The following GRID1 variants were observed in gnomAD, a reference collection of about 807,000 sequenced individuals.
GRID1 encodes glutamate ionotropic receptor delta type subunit 1.
Under a neutral mutation model 98.0 loss-of-function variants are expected in GRID1, and 28 were observed. That is an observed-to-expected ratio of 0.29 (90% CI 0.21 to 0.39). The LOEUF is 0.39. GRID1 is among the 10% of genes least tolerant of loss of function. The pLI, the probability that GRID1 is intolerant of heterozygous loss-of-function variation, is 1.00. For synonymous variants in GRID1, 553 were observed against 538.5 expected, an observed-to-expected ratio of 1.03 and a Z score of -0.37; for missense variants, 1,111 against 1,340.5, an observed-to-expected ratio of 0.83 and a Z score of 2.67.
At chr10:86,262,632 T>TC (rs1180985065) in intron 2 of GRID1, among the ~76,000 whole-genome samples, 1 of 152,126 alleles carries the variant, frequency 6.6e-6, no homozygotes, top group Non-Finnish European at 1.5e-5. Flanking sequence ...AAGGGCCCCT[T>TC]CCCCACTTCA....
At chr10:85,667,262 A>G (rs1397184739) in intron 12 of GRID1, among the ~76,000 whole-genome samples, 2 of 151,934 alleles carry the variant, frequency 1.3e-5, no homozygotes, top group African/African-American at 4.8e-5. Context: ...TGGGACTTTC[A>G]GGTAGAGGCA....
chr10:85,654,142 T>G (rs1432033490), intron 12 of GRID1, among the ~76,000 whole-genome samples: 1 of 151,838 alleles, frequency 6.6e-6, no homozygotes, highest in African/African-American at 2.4e-5. Flanking sequence ...AGAGCCCTTC[T>G]TCAAACCTAT....
chr10:86,215,132 T>TCAGG (rs983635292), intron 2 of GRID1, among the ~76,000 whole-genome samples: 2 of 152,178 alleles, frequency 1.3e-5, no homozygotes, highest in African/African-American at 4.8e-5. Flanking sequence ...GAGGCCTGGC[T>TCAGG]CAGGCAGCAG....
chr10:86,354,518 G>C (rs1393576205), intron 2 of GRID1, among the ~76,000 whole-genome samples: 1 of 152,250 alleles, frequency 6.6e-6, no homozygotes, highest in Non-Finnish European at 1.5e-5. Context: ...CCCTCCTGCT[G>C]GCCATACGTC....
intron 8 of GRID1, among the ~76,000 whole-genome samples, chr10:85,780,599 G>T (rs1034931707): frequency 2.6e-5 from 4 of 152,178 alleles, no homozygotes; most frequent in African/African-American, 9.7e-5. Context: ...CGATGTTTTC[G>T]AAATGCCTGG....
chr10:85,707,020 C>T (rs1841527731), intron 12 of GRID1, among the ~76,000 whole-genome samples: 3 of 152,138 alleles, frequency 2.0e-5, no homozygotes, highest in Admixed American at 2.0e-4. Context: ...TAGAAGAAAA[C>T]CTAGGCAATA....
intron 12 of GRID1, among the ~76,000 whole-genome samples, chr10:85,668,826 G>A (rs1841053068): frequency 6.6e-6 from 1 of 152,196 alleles, no homozygotes; most frequent in African/African-American, 2.4e-5. Context: ...GCTCTACGCT[G>A]CACATCAAAA....
intron 3 of GRID1, among the ~76,000 whole-genome samples, chr10:86,156,107 T>C (rs1287091039): frequency 6.6e-6 from 1 of 152,164 alleles, no homozygotes; most frequent in Non-Finnish European, 1.5e-5. Context: ...ATGTAAATGG[T>C]AGGAGAGCCC....
intron 8 of GRID1, among the ~76,000 whole-genome samples, chr10:85,737,873 G>T (rs1292714038): frequency 6.6e-6 from 1 of 151,550 alleles, no homozygotes; most frequent in Non-Finnish European, 1.5e-5. Flanking sequence ...ACCACTCCAA[G>T]GAGAGACAGG....
intron 4 of GRID1, among the ~76,000 whole-genome samples, chr10:86,087,341 TTGTGTGTGTGTG>T (rs10591518): frequency 0.014 from 2,091 of 148,104 alleles, 52 homozygotes; most frequent in African/African-American, 0.049. Flanking sequence ...TTGAGTGTGT[TTGTGTGTGTGTG>T]TGTGTGTGTG....
At chr10:86,111,574 G>A (rs1157197236) in intron 4 of GRID1, among the ~76,000 whole-genome samples, 2 of 152,218 alleles carry the variant, frequency 1.3e-5, no homozygotes, top group African/African-American at 4.8e-5. Flanking sequence ...ATTAAACTGG[G>A]CAAGAGCTGT....
At chr10:86,115,174 C>G (rs570451696) in intron 4 of GRID1, among the ~76,000 whole-genome samples, 64 of 152,194 alleles carry the variant, frequency 4.2e-4, no homozygotes, top group Non-Finnish European at 8.2e-4. Context: ...TTCTAAGAAG[C>G]ATGGCTGTGA....
At chr10:86,302,036 C>T (rs760900731) in intron 2 of GRID1, among the ~76,000 whole-genome samples, 4 of 152,240 alleles carry the variant, frequency 2.6e-5, no homozygotes, top group Non-Finnish European at 5.9e-5. Flanking sequence ...TCTGGCCTTC[C>T]CTGGCTCCCA....
chr10:85,955,233 C>T (rs1247276783), intron 4 of GRID1, among the ~76,000 whole-genome samples: 1 of 152,158 alleles, frequency 6.6e-6, no homozygotes, highest in Non-Finnish European at 1.5e-5. Context: ...GACAAAGAAG[C>T]TTTTCTGCCC....
chr10:85,601,639 G>A lies in GRID1; in HGVS notation c.*634C>T, dbSNP rs992800047. ...GCAGAGGCACACTGCAACACACACA[G>A]CGGTGACTAACTCGTCCCGCAAGAT... On this transcript the variant is annotated 3_prime_UTR_variant, in exon 16 of 16. Transcript: ENST00000327946. 1 of 152,384 alleles carries A rather than the reference G, an allele frequency of 6.6e-6. No homozygotes were observed. The highest frequency in any genetic ancestry group is 2.4e-5 in the African/African-American group (1 of 41,448). The allele number at this position is 152,384 out of a possible 1,614,324, so 9.4% of individuals were successfully genotyped here.
At chr10:86,135,766 G>A (rs1250070528) in intron 4 of GRID1, among the ~76,000 whole-genome samples, 6 of 151,492 alleles carry the variant, frequency 4.0e-5, no homozygotes, top group Non-Finnish European at 7.4e-5. Context: ...AGAGAGGCTG[G>A]TGGTGCCATG....
intron 4 of GRID1, among the ~76,000 whole-genome samples, chr10:86,028,102 T>C (rs1467703883): frequency 6.6e-6 from 1 of 152,220 alleles, no homozygotes; most frequent in Non-Finnish European, 1.5e-5. Context: ...GACGCTGAGA[T>C]GCCATTCACC....
intron 4 of GRID1, among the ~76,000 whole-genome samples, chr10:86,019,333 G>A (rs1843019580): frequency 6.6e-6 from 1 of 152,198 alleles, no homozygotes; most frequent in Admixed American, 6.5e-5. Context: ...TTGGTATGGT[G>A]GTGCTCCCCT....
At chr10:86,170,301 G>A (rs1029446387) in intron 3 of GRID1, among the ~76,000 whole-genome samples, 6 of 152,220 alleles carry the variant, frequency 3.9e-5, no homozygotes, top group Non-Finnish European at 7.3e-5. Context: ...AGTGGACAGC[G>A]ATTCTAATCA....
Sources: gnomAD v4.1 joint callset for allele counts (sites outside exome capture counted in the v4.1 genomes callset) on GRCh38, gnomAD v4.1.1 for gene constraint, MANE v1.5 for transcripts, NCBI Gene and HGNC (gene_info 2026-07-23, HGNC 2026-07-21) for gene names.